BRCA1: variants seen among roughly 807,000 people sequenced by gnomAD.
BRCA1 encodes the protein breast cancer type 1 susceptibility protein.
BRCA1 carries 140 observed loss-of-function variants against 173.7 expected under a neutral mutation model. The ratio of observed to expected loss-of-function variants is 0.81; its 90% CI spans 0.70 to 0.93. The LOEUF (loss-of-function observed/expected upper bound fraction) is 0.93. Ranked by LOEUF, BRCA1 falls within the 40% of genes least tolerant of loss-of-function variation. The pLI is 0.00. For missense variants in BRCA1, 1,983 were observed against 2,172.5 expected (o/e 0.91, Z 1.73); for synonymous variants, 662 against 756.0 (o/e 0.88, Z 2.04).
At chr17:43,117,169 T>C (rs1388123189) in intron 2 of BRCA1, among the ~76,000 whole-genome samples, 2 of 152,190 alleles carry the variant, frequency 1.3e-5, no homozygotes, top group South Asian at 2.1e-4. Context: ...AGGCCGGGCA[T>C]GGTGCCTCAT....
At chr17:43,099,964 C>T in intron 6 of BRCA1, 84 bp from the exon 7 acceptor site, 4 of 1,059,882 alleles carry the variant, frequency 3.8e-6, no homozygotes, top group Non-Finnish European at 5.9e-6. Context: ...ACACCATGGA[C>T]AAAATAAATT....
intron 12 of BRCA1, among the ~76,000 whole-genome samples, 200 bp downstream of exon 12, chr17:43,082,204 T>G (rs1179653751): frequency 1.3e-5 from 2 of 152,218 alleles, no homozygotes; most frequent in Non-Finnish European, 2.9e-5. Context: ...GGTACTCAGA[T>G]GACAACATGA....
intron 16 of BRCA1, among the ~76,000 whole-genome samples, chr17:43,066,376 A>G (rs1003546566): frequency 3.3e-5 from 5 of 152,056 alleles, no homozygotes; most frequent in African/African-American, 7.2e-5. Flanking sequence ...TAGGTGTTAC[A>G]TGAAGCTGGG....
intron 4 of BRCA1, among the ~76,000 whole-genome samples, chr17:43,106,096 G>A (rs1213694024): frequency 9.4e-5 from 14 of 149,416 alleles, no homozygotes; most frequent in African/African-American, 3.5e-4. Context: ...TCCAGCCTCA[G>A]TGACAGAGCA....
At chr17:43,124,195 A>G (rs1567823658) in intron 1 of BRCA1, 80 bp from the exon 2 acceptor site, 1 of 862,686 alleles carries the variant, frequency 1.2e-6, no homozygotes, top group East Asian at 2.7e-5. Flanking sequence ...TCATTTTAAA[A>G]TAAAGTAAAT....
chr17:43,156,292 G>T (rs1231466694), intron 1 of BRCA1, among the ~76,000 whole-genome samples: 3 of 152,022 alleles, frequency 2.0e-5, no homozygotes, highest in African/African-American at 7.3e-5. Context: ...TAACCTTATT[G>T]TGAAGGATTT....
At chr17:43,099,412 A>G (rs2054273625) in intron 7 of BRCA1, among the ~76,000 whole-genome samples, 1 of 149,272 alleles carries the variant, frequency 6.7e-6, no homozygotes, top group Admixed American at 6.6e-5. Context: ...CTGGGATTAC[A>G]GTTATGTGCC....
intron 3 of BRCA1, 41 bp from the exon 4 acceptor site, chr17:43,106,574 C>A (rs570133578): frequency 1.4e-6 from 2 of 1,427,462 alleles, no homozygotes; most frequent in Non-Finnish European, 2.0e-6. Context: ...TAATTTACTT[C>A]CTTTTGTAGA....
At chr17:43,135,872 C>T (rs910661462) in intron 1 of BRCA1, among the ~76,000 whole-genome samples, 16 of 152,198 alleles carry the variant, frequency 1.1e-4, no homozygotes, top group Non-Finnish European at 2.1e-4. Flanking sequence ...GATGCGGTCC[C>T]GCCTCCCATC....
chr17:43,145,318 T>TC, intron 1 of BRCA1: 1 of 539,570 alleles, frequency 1.9e-6, no homozygotes. Flanking sequence ...TCAGAGGAAT[T>TC]TTTTTTCTTT....
At chr17:43,151,483 CA>C (rs1240618834) in intron 1 of BRCA1, among the ~76,000 whole-genome samples, 2 of 151,016 alleles carry the variant, frequency 1.3e-5, no homozygotes, top group Non-Finnish European at 2.9e-5. Flanking sequence ...GACTCTGTCT[CA>C]AAAAAAACAA....
At chr17:43,072,433 G>A (rs760770376) in intron 14 of BRCA1, among the ~76,000 whole-genome samples, 8 of 151,604 alleles carry the variant, frequency 5.3e-5, no homozygotes, top group Admixed American at 1.3e-4. Context: ...GAAGGGTCTC[G>A]GTCTGTCATC....
chr17:43,126,534 AAAG>A (rs1350130540), upstream of BRCA1, among the ~76,000 whole-genome samples: 1 of 152,210 alleles, frequency 6.6e-6, no homozygotes, highest in African/African-American at 2.4e-5. Flanking sequence ...GGAATCCTGC[AAAG>A]AAGAGGGGCG....
rs1567769677 is a variant in BRCA1, at chr17:43,064,018, A to G, written c.5075-67T>C. The stretch of plus-strand genomic sequence containing the variant: ...AAAATCAGGAAGTGCTGTCCTAAGA[A>G]GCTAAAGAGCCTCAGTTTTTTACAC... On this transcript the variant is annotated intron_variant, in intron 16 of 22. Coordinates refer to ENST00000357654, the MANE Select transcript of BRCA1 (RefSeq NM_007294.4). 7.2e-7 allele frequency: 1 copy of G among 1,389,642 alleles called. No individual in the cohort carries two copies. Among genetic ancestry groups the G allele is most frequent in the Non-Finnish European group, 1.0e-6 (1 of 982,518 alleles). 86.1% of individuals were successfully genotyped at this position (1,389,642 alleles called of 1,614,324 possible).
At chr17:43,109,608 T>TACATAAGTA (rs1296522644) in intron 3 of BRCA1, among the ~76,000 whole-genome samples, 3 of 152,140 alleles carry the variant, frequency 2.0e-5, no homozygotes, top group Non-Finnish European at 2.9e-5. Context: ...ACCTCCACTG[T>TACATAAGTA]ACATAAGTAC....
intron 1 of BRCA1, among the ~76,000 whole-genome samples, chr17:43,157,290 T>C (rs2056203376): frequency 6.6e-6 from 1 of 152,192 alleles, no homozygotes; most frequent in Admixed American, 6.5e-5. Context: ...TGATCAGGAA[T>C]CACATATTAA....
At chr17:43,156,108 G>A (rs2154581655) in intron 1 of BRCA1, among the ~76,000 whole-genome samples, 1 of 152,090 alleles carries the variant, frequency 6.6e-6, no homozygotes, top group Admixed American at 6.5e-5. Context: ...ATGGTGGCAC[G>A]CACCTGTAGT....
In BRCA1 at chr17:43,091,956, G is replaced by A. The variant is rs2154301942; in HGVS notation, c.3575C>T (p.Pro1192Leu). 2 of 1,614,068 alleles carry A rather than the reference G, an allele frequency of 1.2e-6. No individual in the cohort carries two copies. The highest frequency in any genetic ancestry group is 1.7e-6 in the Non-Finnish European group (2 of 1,180,000). ...CTGAGCCAAATGTGTATGGGTGAAAGGGCTAGGACTCCTGCTAAGCTCTCC... is the reference window on the plus strand; with the variant it reads ...CTGAGCCAAATGTGTATGGGTGAAAAGGCTAGGACTCCTGCTAAGCTCTCC... ...QKGELSRSPS[P>L]FTHTHLAQGY... The change falls in exon 10 of 23, where the codon CCT (proline) becomes CTT (leucine). Residue 1192 changes from proline (P) to leucine (L), a missense_variant. Pro to Leu is a moderately conservative substitution (Grantham distance 98). Coordinates refer to ENST00000357654, the MANE Select transcript of BRCA1 (RefSeq NM_007294.4).
At chr17:43,143,741 G>C (rs1004516024) in intron 1 of BRCA1, among the ~76,000 whole-genome samples, 7 of 152,118 alleles carry the variant, frequency 4.6e-5, no homozygotes, top group African/African-American at 1.7e-4. Context: ...CATCAGCGGG[G>C]GATGGGGAGA....
Sources: gnomAD v4.1 joint callset for allele counts (sites outside exome capture counted in the v4.1 genomes callset) on GRCh38, gnomAD v4.1.1 for gene constraint, MANE v1.5 for transcripts, NCBI Gene and HGNC (gene_info 2026-07-23, HGNC 2026-07-21) for gene names.